The following HFM1 variants were observed in gnomAD, a reference collection of about 807,000 sequenced individuals.
The protein encoded by HFM1 is helicase for meiosis 1.
A neutral mutation model predicts 192.1 loss-of-function variants in HFM1; 169 were observed. The observed-to-expected ratio is 0.88, with a 90% CI of 0.78 to 1.00. The LOEUF is 1.00. Among genes scored for constraint, HFM1 ranks in the 50% least tolerant of loss-of-function variants. The pLI, the probability that HFM1 is intolerant of heterozygous loss-of-function variation, is 0.00. For synonymous variants in HFM1, 525 were observed against 537.8 expected (o/e 0.98, Z 0.33); for missense variants, 1,661 against 1,668.0 (o/e 1.00, Z 0.07).
intron 20 of HFM1, among the ~76,000 whole-genome samples, 185 bp downstream of exon 20, chr1:91,343,245 A>AAG: frequency 6.6e-6 from 1 of 150,534 alleles, no homozygotes; most frequent in East Asian, 1.9e-4. Context: ...AAAAAAAAAA[A>AAG]AAAAAAAACT....
At chr1:91,321,196 C>T (rs1367799493) in intron 23 of HFM1, among the ~76,000 whole-genome samples, 1 of 152,190 alleles carries the variant, frequency 6.6e-6, no homozygotes, top group Non-Finnish European at 1.5e-5. Flanking sequence ...AATCCCAGCA[C>T]TTTGGGAGGC....
intron 2 of HFM1, among the ~76,000 whole-genome samples, chr1:91,399,821 T>C (rs919416132): frequency 1.3e-5 from 2 of 152,222 alleles, no homozygotes; most frequent in Non-Finnish European, 2.9e-5. Context: ...CATGAACATA[T>C]GCTTGTCATT....
intron 30 of HFM1, among the ~76,000 whole-genome samples, chr1:91,311,481 C>G (rs1650443432): frequency 6.6e-6 from 1 of 151,926 alleles, no homozygotes; most frequent in African/African-American, 2.4e-5. Flanking sequence ...CAAAAATTAG[C>G]CGGGCATGCT....
At chr1:91,318,420 G>A (rs1406904980) in intron 25 of HFM1, among the ~76,000 whole-genome samples, 3 of 152,180 alleles carry the variant, frequency 2.0e-5, no homozygotes, top group African/African-American at 7.2e-5. Context: ...TAACAAGGCT[G>A]TCAGTGATGA....
chr1:91,385,544 C>A, intron 5 of HFM1, 31 bp downstream of exon 5: 1 of 1,575,474 alleles, frequency 6.3e-7, no homozygotes, highest in South Asian at 1.1e-5. Flanking sequence ...AGTCTGTACT[C>A]ATAAAATGAA....
intron 18 of HFM1, among the ~76,000 whole-genome samples, chr1:91,348,247 G>C (rs1336547020): frequency 6.6e-6 from 1 of 151,844 alleles, no homozygotes; most frequent in Admixed American, 6.6e-5. Flanking sequence ...ACTATGAAAA[G>C]GAAGAAATGA....
intron 20 of HFM1, among the ~76,000 whole-genome samples, chr1:91,341,038 C>T (rs996105346): frequency 1.3e-5 from 2 of 152,072 alleles, no homozygotes; most frequent in African/African-American, 2.4e-5. Flanking sequence ...ATCATCAGGG[C>T]AGAAAACAAA....
At chr1:91,309,644 G>A (rs995767709) in intron 30 of HFM1, among the ~76,000 whole-genome samples, 1 of 152,074 alleles carries the variant, frequency 6.6e-6, no homozygotes, top group Non-Finnish European at 1.5e-5. Flanking sequence ...ACTGTTTATT[G>A]TGTGTGTAAT....
At chr1:91,367,461 T>A (rs1372358188) in intron 13 of HFM1, among the ~76,000 whole-genome samples, 1 of 152,198 alleles carries the variant, frequency 6.6e-6, no homozygotes, top group Non-Finnish European at 1.5e-5. Flanking sequence ...TCCGCTGTTC[T>A]GCAGCCACCG....
At chr1:91,386,066 C>A (rs1662178906) in intron 4 of HFM1, among the ~76,000 whole-genome samples, 1 of 152,058 alleles carries the variant, frequency 6.6e-6, no homozygotes, top group Admixed American at 6.5e-5. Context: ...TCCAAAACAG[C>A]CCAATGATCC....
intron 34 of HFM1, among the ~76,000 whole-genome samples, chr1:91,268,870 G>C (rs963559841): frequency 2.0e-5 from 3 of 152,020 alleles, no homozygotes; most frequent in African/African-American, 7.2e-5. Context: ...TAACAAGTAA[G>C]ATGAAAATAT....
chr1:91,266,237 C>T, intron 35 of HFM1, 130 bp from the exon 36 acceptor site: 1 of 678,624 alleles, frequency 1.5e-6, no homozygotes, highest in Non-Finnish European at 2.4e-6. Flanking sequence ...TCTCAGTAAC[C>T]TAATTTAATT....
At chr1:91,370,089 C>T (rs997769936) in intron 13 of HFM1, among the ~76,000 whole-genome samples, 3 of 152,060 alleles carry the variant, frequency 2.0e-5, no homozygotes, top group Non-Finnish European at 2.9e-5. Context: ...AAAATTGAGG[C>T]AATAATTAAT....
intron 30 of HFM1, 62 bp from the exon 31 acceptor site, chr1:91,277,124 T>A: frequency 1.2e-6 from 1 of 845,912 alleles, no homozygotes; most frequent in African/African-American, 1.8e-5. Flanking sequence ...TAATTTAATA[T>A]AATTAATTTT....
At chr1:91,306,720 TTC>T (rs983505173) in intron 30 of HFM1, among the ~76,000 whole-genome samples, 8 of 152,168 alleles carry the variant, frequency 5.3e-5, no homozygotes, top group Non-Finnish European at 8.8e-5. Context: ...TTAGAAAATA[TTC>T]TCTTTTTTTC....
rs1662116456 is a variant in HFM1, at chr1:91,385,707, T to A, written c.622A>T (p.Asn208Tyr). Residue 208 changes from asparagine to tyrosine, a missense_variant, in exon 5 of 39, where the codon AAT (asparagine) becomes TAT (tyrosine). Transcript: ENST00000370425. Reference protein sequence around the residue: ...MNKGKSRNYSNSKQKFQYSAN... With the variant: ...MNKGKSRNYSYSKQKFQYSAN... ...GAATACTGAAATTTTTGCTTACTAT[T>A]GCTATAGTTCCTTGATTTCCCTTTG... 6.2e-7 allele frequency: 1 copy of A among 1,612,722 alleles called. No homozygotes were observed. Among genetic ancestry groups the A allele is most frequent in the East Asian group, 2.2e-5 (1 of 44,846 alleles).
intron 34 of HFM1, among the ~76,000 whole-genome samples, chr1:91,270,470 T>C (rs191671908): frequency 6.6e-6 from 1 of 151,352 alleles, no homozygotes; most frequent in East Asian, 1.9e-4. Flanking sequence ...GAAAGAAAGG[T>C]CTAGATGGGA....
chr1:91,378,581 T>C (rs978969354), intron 9 of HFM1, 101 bp from the exon 10 acceptor site: 1 of 668,620 alleles, frequency 1.5e-6, no homozygotes, highest in Non-Finnish European at 2.5e-6. Flanking sequence ...TTACAAATAA[T>C]AGGCAATTTT....
At chr1:91,369,603 G>A (rs1005833551) in intron 13 of HFM1, among the ~76,000 whole-genome samples, 1 of 152,084 alleles carries the variant, frequency 6.6e-6, no homozygotes, top group African/African-American at 2.4e-5. Context: ...TGTGTAGAGG[G>A]AAATTTATAG....
Sources: allele counts gnomAD v4.1 joint callset (sites outside exome capture counted in the v4.1 genomes callset), GRCh38; gene constraint gnomAD v4.1.1; transcripts MANE v1.5; gene names NCBI Gene and HGNC (gene_info 2026-07-23, HGNC 2026-07-21).